KIF19: variants seen among roughly 807,000 people sequenced by gnomAD.
The protein encoded by KIF19 is kinesin-like protein KIF19.
In KIF19, 98 loss-of-function variants were observed where a neutral mutation model predicts 106.6. The ratio of observed to expected loss-of-function variants is 0.92; its 90% CI spans 0.78 to 1.09. The LOEUF is 1.09. KIF19 is among the 50% of genes least tolerant of loss of function. KIF19 has a pLI of 0.00. For missense variants in KIF19, 1,373 were observed against 1,414.3 expected, an observed-to-expected ratio of 0.97 and a Z score of 0.47; for synonymous variants, 516 against 584.2, an observed-to-expected ratio of 0.88 and a Z score of 1.68.
chr17:74,331,655 C>T lies in KIF19; in HGVS notation c.120+3150C>T, dbSNP rs1018784313. Among the ~76,000 whole-genome samples the T allele has an allele frequency of 2.0e-5, 3 of 151,956 alleles. No homozygotes were observed. Among genetic ancestry groups the T allele is most frequent in the African/African-American group, 7.2e-5 (3 of 41,434 alleles). ...ACAGTGGTGCAATCTTGGCTCACTG[C>T]AACCTCCGCCTCCTGGATTCAAGCG... On this transcript the variant is annotated intron_variant, in intron 2 of 19. Coordinates refer to ENST00000389916, the MANE Select transcript of KIF19 (RefSeq NM_153209.4). The surrounding 1 kb of genome is among the most constrained non-coding windows in gnomAD (Gnocchi z 4.1).
At chr17:74,354,987 G>C (rs1450232998) in intron 19 of KIF19, 46 bp downstream of exon 19, 2 of 1,564,458 alleles carry the variant, frequency 1.3e-6, no homozygotes, top group Non-Finnish European at 1.7e-6. Flanking sequence ...CCTCCACCAG[G>C]CAGGGGAGCA....
At position 74,350,924 on chromosome 17, in the gene KIF19, G is replaced by C. The variant is rs745559459; in HGVS notation, c.1587+19G>C. 1.2e-6 allele frequency: 2 copies of C among 1,612,432 alleles called. No homozygotes were observed. Among genetic ancestry groups the C allele is most frequent in the South Asian group, 1.1e-5 (1 of 91,046 alleles). ...GCAGAAGGTGTCCAGGGTTTGGGGG[G>C]ACAAGGAGAGTGGGTTTAGGGGACA... On this transcript the variant is annotated intron_variant, in intron 12 of 19. Coordinates refer to ENST00000389916, the MANE Select transcript of KIF19 (RefSeq NM_153209.4).
Position 74,344,343 on chromosome 17 carries a change from A to G in KIF19, c.577A>G (p.Lys193Glu). The G allele has an allele frequency of 6.2e-7, 1 of 1,612,282 alleles. No individual in the cohort carries two copies. Among genetic ancestry groups the G allele is most frequent in the South Asian group, 1.1e-5 (1 of 90,952 alleles). ...GITEVSTINA[K>E]EIMQLLMKGN... ...CACCGAAGTCTCCACCATCAATGCC[A>G]AGGAGGCGAGTTTTGTGTGGCCAGC... is the stretch of plus-strand genomic sequence containing the variant. Residue 193 changes from lysine (K) to glutamate (E), a missense_variant, in exon 6 of 20, where the codon AAG (lysine) becomes GAG (glutamate). By Grantham distance (56) the Lys-to-Glu change is moderately conservative (BLOSUM62 1). Around this residue, in one of 3 missense-constraint regions of KIF19, gnomAD observed 348 missense variants for 389.5 expected, o/e 0.89. Transcript: ENST00000389916.
In KIF19 at chr17:74,350,857, G is replaced by C. The variant is rs1359002820; in HGVS notation, c.1539G>C (p.Glu513Asp). Reference sequence around the variant, plus strand: ...CACCCGAGGTGGCCGCAGCCCGGGAGAGCATTGCAGCCCTGGTGGACGAGC... The same window carrying C: ...CACCCGAGGTGGCCGCAGCCCGGGACAGCATTGCAGCCCTGGTGGACGAGC... The part of the protein sequence containing the change: ...LEPPEVAAAR[E>D]SIAALVDEQK... Residue 513 changes from glutamate to aspartate, a missense_variant, in exon 12 of 20, where the codon GAG (glutamate) becomes GAC (aspartate). Glu to Asp is a conservative substitution (Grantham distance 45). Transcript: ENST00000389916. 6 of 1,614,016 alleles carry C rather than the reference G, an allele frequency of 3.7e-6. No homozygotes were observed. The highest frequency in any genetic ancestry group is 2.2e-5 in the East Asian group (1 of 44,874).
Position 74,327,504 on chromosome 17 carries a change from C to T in KIF19, c.40-921C>T, listed in dbSNP as rs761770075. 5.5e-4 allele frequency among the ~76,000 whole-genome samples: 83 copies of T among 152,256 alleles called. No homozygotes were observed. In the Middle Eastern group the frequency reaches 0.014, roughly 25 times the overall value. On this transcript the variant is annotated intron_variant, in intron 1 of 19. Coordinates refer to ENST00000389916, the MANE Select transcript of KIF19 (RefSeq NM_153209.4). ...TTTGTTTTGTTTTTCTTTTTTGAGA[C>T]GGAGTTTCACTTTCTCACCCAGGCT...
At chr17:74,330,825 C>T (rs1373276686) in intron 2 of KIF19, among the ~76,000 whole-genome samples, 2 of 152,202 alleles carry the variant, frequency 1.3e-5, no homozygotes, top group East Asian at 3.8e-4. Context: ...GCTCCTTTGT[C>T]AGCTGGAGGT....
chr17:74,342,922 G>T (rs1450726712), intron 4 of KIF19, 102 bp from the exon 5 acceptor site: 5 of 1,396,650 alleles, frequency 3.6e-6, no homozygotes, highest in East Asian at 5.0e-5. Context: ...CCCTCTGAGA[G>T]GGCCCAGCCT....
At chr17:74,344,437 C>T in intron 6 of KIF19, 89 bp downstream of exon 6, 1 of 1,532,004 alleles carries the variant, frequency 6.5e-7, no homozygotes, top group Non-Finnish European at 8.8e-7. Context: ...CAGGGAGCTG[C>T]TCCCCACTCG....
rs1598395764 is a variant in KIF19, at chr17:74,350,383, A to C, written c.1214-18A>C. ...ACTTGCCGCCTCCTCTACCTTGCCC[A>C]CCCTCACCCATCGGCAGCTGAGGTC... On this transcript the variant is annotated intron_variant, in intron 10 of 19. Coordinates refer to ENST00000389916, the MANE Select transcript of KIF19 (RefSeq NM_153209.4). 4 of 1,570,154 alleles carry C rather than the reference A, an allele frequency of 2.5e-6. No individual in the cohort carries two copies. Among genetic ancestry groups the C allele is most frequent in the Non-Finnish European group, 3.5e-6 (4 of 1,157,780 alleles).
Position 74,344,946 on chromosome 17 carries a change from C to T in KIF19, c.768C>T (p.Arg256=), listed in dbSNP as rs527755806. Reference sequence around the variant, plus strand: ...TGATCGACCTGGCTGGCTCAGAGCGCGCCTCGCAGGTGAGGCTGGGACCTG... The same window carrying T: ...TGATCGACCTGGCTGGCTCAGAGCGTGCCTCGCAGGTGAGGCTGGGACCTG... ...LFMIDLAGSE[R]ASQTQNRGQR... is the part of the protein sequence containing the mutation. Residue 256 remains arginine, a synonymous_variant, in exon 7 of 20, where the codon CGC becomes CGT. Coordinates refer to ENST00000389916, the MANE Select transcript of KIF19 (RefSeq NM_153209.4). 13 of 1,603,324 alleles carry T rather than the reference C, an allele frequency of 8.1e-6. No homozygotes were observed. The highest frequency in any genetic ancestry group is 4.5e-5 in the East Asian group (2 of 44,644).
At chr17:74,327,447 G>A (rs768758304) in intron 1 of KIF19, among the ~76,000 whole-genome samples, 2 of 152,218 alleles carry the variant, frequency 1.3e-5, no homozygotes, top group Non-Finnish European at 2.9e-5. Context: ...GTCAGGTAGT[G>A]TAGTTCCCTC....
At chr17:74,347,214 G>A (rs2054557369) in intron 8 of KIF19, among the ~76,000 whole-genome samples, 1 of 152,094 alleles carries the variant, frequency 6.6e-6, no homozygotes, top group African/African-American at 2.4e-5. Flanking sequence ...CGGGGAGGTG[G>A]GGACAATTGC....
intron 7 of KIF19, among the ~76,000 whole-genome samples, chr17:74,345,842 C>A (rs2054517040): frequency 6.6e-6 from 1 of 152,090 alleles, no homozygotes; most frequent in Admixed American, 6.5e-5. Flanking sequence ...GAGAGAGTGC[C>A]CTTCAGCCAC....
At chr17:74,332,852 T>A (rs1343873210) in intron 2 of KIF19, among the ~76,000 whole-genome samples, 1 of 152,134 alleles carries the variant, frequency 6.6e-6, no homozygotes, top group Non-Finnish European at 1.5e-5. Context: ...AGCCCTGCCA[T>A]GTCCTGGTCG....
chr17:74,341,998 C>T lies in KIF19; in HGVS notation c.231+12C>T, dbSNP rs374735864. 1.3e-6 allele frequency: 2 copies of T among 1,595,452 alleles called. No individual in the cohort carries two copies. Among genetic ancestry groups the T allele is most frequent in the Non-Finnish European group, 1.7e-6 (2 of 1,170,562 alleles). On this transcript the variant is annotated intron_variant, in intron 3 of 19. Coordinates refer to ENST00000389916, the MANE Select transcript of KIF19 (RefSeq NM_153209.4). ...TCACCGCCACCCAGGTGAGGGAGGG[C>T]CTGGGCTGGAGACACGCAGGAGCCC...
At chr17:74,328,276 C>A in intron 1 of KIF19, 149 bp from the exon 2 acceptor site, 1 of 648,954 alleles carries the variant, frequency 1.5e-6, no homozygotes, top group Non-Finnish European at 2.7e-6. Context: ...TGTGGACCTG[C>A]TGCCCTCTGA....
At chr17:74,347,542 A>C (rs2054570764) in intron 8 of KIF19, among the ~76,000 whole-genome samples, 1 of 151,964 alleles carries the variant, frequency 6.6e-6, no homozygotes, top group Non-Finnish European at 1.5e-5. Context: ...GTCTCAAAAA[A>C]AAAAAAAAAA....
rs370861097 is a variant in KIF19 at position 74,355,302 on chromosome 17, G to A, written c.2987G>A (p.Arg996Gln). The change falls in exon 20 of 20, where the codon CGG becomes CAG. Residue 996 changes from arginine (R) to glutamine (Q), a missense_variant. Physicochemically the swap from Arg to Gln is conservative, Grantham distance 43 (BLOSUM62 1). Coordinates refer to ENST00000389916, the MANE Select transcript of KIF19 (RefSeq NM_153209.4). Reference protein sequence around the residue: ...TSTHGKDGCSRHN With the variant: ...TSTHGKDGCSQHN ...ACCCATGGCAAAGATGGATGCTCCC[G>A]GCATAACTGAGGGGCCCTGCCTGGA... 9.9e-6 allele frequency: 16 copies of A among 1,609,310 alleles called. No homozygotes were observed. The highest frequency in any genetic ancestry group is 1.6e-4 in the Middle Eastern group (1 of 6,076).
rs533889823 is a variant in KIF19, at chr17:74,350,395, C to T, written c.1214-6C>T. On this transcript the variant is annotated splice_region_variant and splice_polypyrimidine_tract_variant and intron_variant, in intron 10 of 19. Transcript: ENST00000389916. ...CTCTACCTTGCCCACCCTCACCCAT[C>T]GGCAGCTGAGGTCCAGCTGCACAGC... 45 of 1,585,028 alleles carry T rather than the reference C, an allele frequency of 2.8e-5. No individual in the cohort carries two copies. Among genetic ancestry groups the T allele is most frequent in the East Asian group, 4.6e-5 (2 of 43,506 alleles).
Sources: gnomAD v4.1 joint callset for allele counts (sites outside exome capture counted in the v4.1 genomes callset) on GRCh38, gnomAD v4.1.1 for gene constraint, gnomAD v4.1.1 regional missense constraint, Gnocchi (gnomAD v3.1) non-coding constraint, MANE v1.5 for transcripts, NCBI Gene and HGNC (gene_info 2026-07-23, HGNC 2026-07-21) for gene names.